Variants in CNTNAP2 observed in about 807,000 individuals in gnomAD.
The protein encoded by CNTNAP2 is contactin-associated protein-like 2.
CNTNAP2 carries 98 observed loss-of-function variants against 155.2 expected under a neutral mutation model. The observed-to-expected ratio is 0.63, with a 90% CI of 0.54 to 0.75. CNTNAP2 has a LOEUF of 0.75. Ranked by LOEUF, CNTNAP2 falls within the 30% of genes least tolerant of loss-of-function variation. The probability of loss-of-function intolerance (pLI) is 0.00; values close to 1 mark genes in which losing one functional copy is unlikely to be tolerated. For missense variants in CNTNAP2, 1,727 were observed against 1,688.1 expected (o/e 1.02, Z -0.40); for synonymous variants, 651 against 631.2 (o/e 1.03, Z -0.47).
chr7:146,750,196 C>T (rs1801879669), intron 1 of CNTNAP2, among the ~76,000 whole-genome samples: 1 of 152,134 alleles, frequency 6.6e-6, no homozygotes, highest in African/African-American at 2.4e-5. Context: ...CCTGATGTTC[C>T]TATGCTGATA....
chr7:147,296,673 CA>C (rs1805453518), intron 8 of CNTNAP2, among the ~76,000 whole-genome samples: 1 of 151,986 alleles, frequency 6.6e-6, no homozygotes, highest in Non-Finnish European at 1.5e-5. Context: ...CTATGAGTAC[CA>C]AAAAGTAGAC....
At chr7:146,545,347 A>AT (rs1798013928) in intron 1 of CNTNAP2, among the ~76,000 whole-genome samples, 1 of 151,808 alleles carries the variant, frequency 6.6e-6, no homozygotes, top group Admixed American at 6.6e-5. Flanking sequence ...TTCATAGTTT[A>AT]TTTTTTAAAA....
At chr7:148,405,324 T>C (rs909014500) in intron 22 of CNTNAP2, among the ~76,000 whole-genome samples, 3 of 152,086 alleles carry the variant, frequency 2.0e-5, no homozygotes, top group African/African-American at 4.8e-5. Context: ...CTCTTGTCAT[T>C]CTCCTTGCGT....
intron 13 of CNTNAP2, among the ~76,000 whole-genome samples, chr7:147,669,615 G>A (rs1041033256): frequency 6.6e-6 from 1 of 152,176 alleles, no homozygotes; most frequent in Non-Finnish European, 1.5e-5. Flanking sequence ...TACTGGTAGT[G>A]AAACAATGAC....
At chr7:147,749,697 G>C (rs1196499745) in intron 13 of CNTNAP2, among the ~76,000 whole-genome samples, 4 of 152,088 alleles carry the variant, frequency 2.6e-5, no homozygotes, top group Non-Finnish European at 5.9e-5. Context: ...TTTAAAGAAT[G>C]GGCCATAGCA....
At chr7:147,549,129 T>A (rs370447609) in intron 11 of CNTNAP2, among the ~76,000 whole-genome samples, 4 of 152,154 alleles carry the variant, frequency 2.6e-5, no homozygotes, top group African/African-American at 7.2e-5. Context: ...CATTTATAAT[T>A]CTGTGAAGAA....
At chr7:147,310,117 T>G (rs1451203693) in intron 9 of CNTNAP2, among the ~76,000 whole-genome samples, 1 of 152,118 alleles carries the variant, frequency 6.6e-6, no homozygotes, top group Non-Finnish European at 1.5e-5. Context: ...TCCCAAGACT[T>G]TTTTTTATAG....
At chr7:147,437,854 C>A (rs1216227311) in intron 10 of CNTNAP2, among the ~76,000 whole-genome samples, 1 of 151,894 alleles carries the variant, frequency 6.6e-6, no homozygotes, top group Non-Finnish European at 1.5e-5. Context: ...TTATGGTGTC[C>A]TATTCAATTT....
At chr7:146,656,027 C>T (rs1011953426) in intron 1 of CNTNAP2, among the ~76,000 whole-genome samples, 3 of 152,124 alleles carry the variant, frequency 2.0e-5, no homozygotes, top group Admixed American at 1.3e-4. Flanking sequence ...GTTATAATTT[C>T]TCAAAAACAG....
chr7:146,701,046 GA>G (rs1035353796), intron 1 of CNTNAP2, among the ~76,000 whole-genome samples: 1 of 54,128 alleles, frequency 1.8e-5, no homozygotes, highest in Admixed American at 1.2e-4. Flanking sequence ...TCAAGGCTCT[GA>G]AAAAAAAAAG....
In CNTNAP2 at chr7:146,930,164, A is replaced by C. The variant is rs550906571; in HGVS notation, c.402+90260A>C. Among the ~76,000 whole-genome samples, 738 of 152,306 alleles carry C rather than the reference A, an allele frequency of 4.8e-3. 5 individuals are homozygous for C. Among genetic ancestry groups the C allele is most frequent in the African/African-American group, 0.017 (696 of 41,564 alleles). ...AATTCACCAAAGTTGAAATGAAGGA[A>C]AAAATGTTAAGGGCAGCCAGAGAGA... On this transcript the variant is annotated intron_variant, in intron 3 of 23. Transcript: ENST00000361727.
chr7:147,328,180 A>C (rs1795495416), intron 9 of CNTNAP2, among the ~76,000 whole-genome samples: 1 of 152,206 alleles, frequency 6.6e-6, no homozygotes, highest in Admixed American at 6.5e-5. Flanking sequence ...CACAAAGAAA[A>C]TGAGTTTCCA....
intron 17 of CNTNAP2, among the ~76,000 whole-genome samples, chr7:148,167,107 AT>A (rs1220110842): frequency 3.3e-5 from 5 of 152,196 alleles, no homozygotes; most frequent in Non-Finnish European, 7.3e-5. Context: ...CACCTGCTTT[AT>A]AAATTATGAA....
At chr7:146,605,357 T>A (rs1799029473) in intron 1 of CNTNAP2, among the ~76,000 whole-genome samples, 1 of 151,314 alleles carries the variant, frequency 6.6e-6, no homozygotes, top group Non-Finnish European at 1.5e-5. Flanking sequence ...GATTCAGAGA[T>A]TAAACACCTT....
chr7:147,299,169 G>A (rs975021141), intron 8 of CNTNAP2, among the ~76,000 whole-genome samples: 1 of 151,822 alleles, frequency 6.6e-6, no homozygotes, highest in African/African-American at 2.4e-5. Context: ...TCACAGGGTC[G>A]AAGAAAGCCC....
intron 1 of CNTNAP2, among the ~76,000 whole-genome samples, chr7:146,472,475 C>T (rs1257327508): frequency 6.6e-6 from 1 of 152,130 alleles, no homozygotes; most frequent in Non-Finnish European, 1.5e-5. Context: ...CCACTAGGAC[C>T]TCAGAGCATG....
chr7:148,118,865 G>A (rs1006455436), intron 16 of CNTNAP2, among the ~76,000 whole-genome samples: 2 of 152,172 alleles, frequency 1.3e-5, no homozygotes, highest in African/African-American at 4.8e-5. Context: ...ACAATAAGAG[G>A]CAGAGCAAGA....
At chr7:147,494,823 A>G (rs1798673860) in intron 11 of CNTNAP2, among the ~76,000 whole-genome samples, 5 of 152,194 alleles carry the variant, frequency 3.3e-5, no homozygotes, top group Admixed American at 2.6e-4. Context: ...AGAGTAAAAA[A>G]TAATATGTGT....
At chr7:146,210,018 T>C (rs1799009071) in intron 1 of CNTNAP2, among the ~76,000 whole-genome samples, 1 of 152,136 alleles carries the variant, frequency 6.6e-6, no homozygotes, top group African/African-American at 2.4e-5. Context: ...GTCTCAAATA[T>C]ACCATTCCCA....
Sources: gnomAD v4.1 joint callset for allele counts (sites outside exome capture counted in the v4.1 genomes callset) on GRCh38, gnomAD v4.1.1 for gene constraint, MANE v1.5 for transcripts, NCBI Gene and HGNC (gene_info 2026-07-23, HGNC 2026-07-21) for gene names.